The following GPM6A variants were observed in gnomAD, a reference collection of about 807,000 sequenced individuals.
GPM6A encodes glycoprotein M6A.
GPM6A carries 7 observed loss-of-function variants against 32.1 expected under a neutral mutation model. That is an observed-to-expected ratio of 0.22 (90% CI 0.12 to 0.41). GPM6A has a LOEUF of 0.41. Ranked by LOEUF, GPM6A falls within the 10% of genes least tolerant of loss-of-function variation. The pLI is 1.00. For missense variants in GPM6A, 235 were observed against 347.2 expected (o/e 0.68, Z 2.57); for synonymous variants, 130 against 123.4 (o/e 1.05, Z -0.35).
At chr4:175,827,252 T>C (rs1218560706) in intron 1 of GPM6A, among the ~76,000 whole-genome samples, 1 of 152,226 alleles carries the variant, frequency 6.6e-6, no homozygotes, top group African/African-American at 2.4e-5. Flanking sequence ...AAATGTCAAC[T>C]ATATTTAGTA....
intron 1 of GPM6A, among the ~76,000 whole-genome samples, chr4:175,909,909 T>C (rs962200195): frequency 1.3e-5 from 2 of 152,164 alleles, no homozygotes; most frequent in Non-Finnish European, 2.9e-5. Flanking sequence ...GTACTACCCT[T>C]GTATTAAACA....
At chr4:175,957,639 C>A (rs1335843366) in intron 1 of GPM6A, among the ~76,000 whole-genome samples, 1 of 152,058 alleles carries the variant, frequency 6.6e-6, no homozygotes, top group East Asian at 1.9e-4. Flanking sequence ...GTGCAGCAAA[C>A]CACCATGGCA....
chr4:175,796,063 T>C (rs1462597689), intron 1 of GPM6A: 1 of 152,220 alleles, frequency 6.6e-6, no homozygotes, highest in Non-Finnish European at 1.5e-5. Context: ...CTATCACTGA[T>C]ATTTTCTCAA....
intron 3 of GPM6A, among the ~76,000 whole-genome samples, 183 bp downstream of exon 3, chr4:175,673,497 T>C (rs1212271853): frequency 6.6e-6 from 1 of 152,078 alleles, no homozygotes; most frequent in Non-Finnish European, 1.5e-5. Context: ...TATTTGAAAC[T>C]GAATTTTCAC....
At chr4:175,929,754 T>C (rs1404795465) in intron 1 of GPM6A, among the ~76,000 whole-genome samples, 3 of 152,172 alleles carry the variant, frequency 2.0e-5, no homozygotes, top group African/African-American at 7.2e-5. Flanking sequence ...ACTCCTAACA[T>C]GTTGATGCTT....
intron 1 of GPM6A, among the ~76,000 whole-genome samples, chr4:175,802,288 G>A (rs1454573663): frequency 6.6e-6 from 1 of 151,978 alleles, no homozygotes; most frequent in Non-Finnish European, 1.5e-5. Context: ...GGTATCACAA[G>A]TTCATCTCAA....
At chr4:175,647,775 G>A (rs1405446548) in intron 4 of GPM6A, among the ~76,000 whole-genome samples, 1 of 152,124 alleles carries the variant, frequency 6.6e-6, no homozygotes, top group Non-Finnish European at 1.5e-5. Context: ...CTAATACAAT[G>A]TTTGAGGAAT....
chr4:175,890,192 T>C (rs1030824534), intron 1 of GPM6A, among the ~76,000 whole-genome samples: 7 of 152,184 alleles, frequency 4.6e-5, no homozygotes, highest in African/African-American at 1.7e-4. Context: ...TCTGCAACAA[T>C]GCAGGACAAA....
At chr4:175,732,201 G>T (rs948878908) in intron 1 of GPM6A, among the ~76,000 whole-genome samples, 5 of 151,690 alleles carry the variant, frequency 3.3e-5, no homozygotes, top group Non-Finnish European at 7.4e-5. Flanking sequence ...TCCTGACCTC[G>T]TGATCCGCCC....
At chr4:175,723,351 ATTG>A (rs1746241514) in intron 1 of GPM6A, among the ~76,000 whole-genome samples, 1 of 152,124 alleles carries the variant, frequency 6.6e-6, no homozygotes, top group Non-Finnish European at 1.5e-5. Context: ...AGTGAACACC[ATTG>A]TGTGTTAGGG....
At chr4:175,826,258 T>C (rs1283146820) in intron 1 of GPM6A, among the ~76,000 whole-genome samples, 1 of 152,010 alleles carries the variant, frequency 6.6e-6, no homozygotes, top group African/African-American at 2.4e-5. Flanking sequence ...CCTTAACATA[T>C]TACCTAATGC....
intron 1 of GPM6A, among the ~76,000 whole-genome samples, chr4:175,770,013 A>T (rs775682248): frequency 3.9e-5 from 6 of 152,116 alleles, no homozygotes; most frequent in Non-Finnish European, 7.4e-5. Context: ...ACAGTATTGT[A>T]TAAGAGATAC....
At chr4:175,727,743 C>A (rs1410848497) in intron 1 of GPM6A, among the ~76,000 whole-genome samples, 1 of 152,156 alleles carries the variant, frequency 6.6e-6, no homozygotes, top group African/African-American at 2.4e-5. Context: ...GTGGCTCACA[C>A]CTGTAATCCC....
intron 1 of GPM6A, among the ~76,000 whole-genome samples, chr4:175,877,717 C>G (rs1451446441): frequency 1.3e-5 from 2 of 152,160 alleles, no homozygotes; most frequent in East Asian, 3.9e-4. Context: ...GGACACAGAG[C>G]CAAACCATAT....
At chr4:175,963,621 T>C (rs1359580487) in intron 1 of GPM6A, among the ~76,000 whole-genome samples, 1 of 152,118 alleles carries the variant, frequency 6.6e-6, no homozygotes, top group Non-Finnish European at 1.5e-5. Flanking sequence ...GACGCTTCTT[T>C]AAAAGAGGTT....
chr4:175,966,817 T>C (rs1327187845), intron 1 of GPM6A, among the ~76,000 whole-genome samples: 4 of 152,268 alleles, frequency 2.6e-5, no homozygotes, highest in East Asian at 3.9e-4. Context: ...ATTAAATCAA[T>C]AATAAATAAC....
chr4:175,682,533 C>T (rs940839376), intron 2 of GPM6A, among the ~76,000 whole-genome samples: 2 of 152,146 alleles, frequency 1.3e-5, no homozygotes, highest in African/African-American at 4.8e-5. Context: ...TTTCAGAGAC[C>T]TTTGTGGTAG....
At chr4:175,667,392 T>C (rs116145963) in intron 3 of GPM6A, among the ~76,000 whole-genome samples, 211 of 152,282 alleles carry the variant, frequency 1.4e-3, no homozygotes, top group African/African-American at 4.8e-3. Flanking sequence ...CCAATACTCC[T>C]TAAAACTGCC....
intron 2 of GPM6A, among the ~76,000 whole-genome samples, chr4:175,697,511 A>T (rs1468126104): frequency 2.0e-5 from 3 of 152,162 alleles, no homozygotes; most frequent in East Asian, 3.9e-4. Flanking sequence ...TTGTGATTAG[A>T]GTGTAGAAAT....
Sources: gnomAD v4.1 joint callset for allele counts (sites outside exome capture counted in the v4.1 genomes callset) on GRCh38, gnomAD v4.1.1 for gene constraint, MANE v1.5 for transcripts, NCBI Gene and HGNC (gene_info 2026-07-23, HGNC 2026-07-21) for gene names.